The following ZNF407 variants were observed in gnomAD, a reference collection of about 807,000 sequenced individuals.
ZNF407 encodes zinc finger protein 407.
ZNF407 carries 17 observed loss-of-function variants against 131.2 expected under a neutral mutation model. The observed-to-expected ratio is 0.13, with a 90% CI of 0.09 to 0.19. ZNF407 has a LOEUF of 0.19. Ranked by LOEUF, ZNF407 falls within the 10% of genes least tolerant of loss-of-function variation. ZNF407 has a pLI of 1.00. For missense variants in ZNF407, 2,681 were observed against 2,830.6 expected (o/e 0.95, Z 1.20); for synonymous variants, 1,156 against 1,062.0 (o/e 1.09, Z -1.72).
rs754124154 is a variant in ZNF407, at chr18:74,631,962, A to G, written c.943A>G (p.Ser315Gly). ...AACTTCTAAATCAATAGCAAAGAAT[A>G]GTGATTCAAAAGGATTACGAAATGT... The part of the protein sequence containing the change: ...PRTSKSIAKN[S>G]DSKGLRNVGS... Residue 315 changes from serine to glycine, a missense_variant, in exon 2 of 9, where the codon AGT (serine) becomes GGT (glycine). By Grantham distance (56) the Ser-to-Gly change is moderately conservative. Coordinates refer to ENST00000299687, the MANE Select transcript of ZNF407 (RefSeq NM_017757.3). 6 of 1,614,016 alleles carry G rather than the reference A, an allele frequency of 3.7e-6. No homozygotes were observed. In the South Asian group the frequency reaches 5.5e-5, roughly 15 times the overall value.
chr18:74,634,574 A>T lies in ZNF407; in HGVS notation c.3555A>T (p.Ser1185=), dbSNP rs1417841560. ...TTAGGAAACCTGAGGAGATGATGTC[A>T]CTTACTATGTCCTCAAACTATGGCT... ...DKVRKPEEMM[S]LTMSSNYGSP... The change falls in exon 2 of 9, where the codon TCA becomes TCT. Residue 1185 remains serine (S), a synonymous_variant. Coordinates refer to ENST00000299687, the MANE Select transcript of ZNF407 (RefSeq NM_017757.3). 1 of 1,613,776 alleles carries T rather than the reference A, an allele frequency of 6.2e-7. No homozygotes were observed. Among genetic ancestry groups the T allele is most frequent in the Non-Finnish European group, 8.5e-7 (1 of 1,179,892 alleles).
chr18:74,963,400 AGG>A (rs1178058831), intron 8 of ZNF407, among the ~76,000 whole-genome samples: 1 of 152,190 alleles, frequency 6.6e-6, no homozygotes, highest in African/African-American at 2.4e-5. Context: ...CTGGACCTGC[AGG>A]TTATCGGGTG....
intron 3 of ZNF407, among the ~76,000 whole-genome samples, chr18:74,655,346 C>G (rs1985405059): frequency 6.6e-6 from 1 of 151,768 alleles, no homozygotes; most frequent in Non-Finnish European, 1.5e-5. Flanking sequence ...TGGATCCACA[C>G]CTATTTTAGA....
At chr18:74,806,605 TA>T (rs1970113816) in intron 4 of ZNF407, among the ~76,000 whole-genome samples, 1 of 152,150 alleles carries the variant, frequency 6.6e-6, no homozygotes, top group South Asian at 2.1e-4. Context: ...GTAAGGGAAA[TA>T]AAATGACAAC....
At chr18:75,033,323 C>T (rs1408640553) in intron 8 of ZNF407, among the ~76,000 whole-genome samples, 1 of 152,194 alleles carries the variant, frequency 6.6e-6, no homozygotes, top group East Asian at 1.9e-4. Flanking sequence ...ACTAAGAATG[C>T]TCGGAAAGCC....
intron 1 of ZNF407, among the ~76,000 whole-genome samples, chr18:74,608,236 T>C (rs919620104): frequency 1.3e-5 from 2 of 152,250 alleles, no homozygotes; most frequent in Non-Finnish European, 2.9e-5. Flanking sequence ...TATTTGAATT[T>C]AACCAATGGT....
chr18:74,960,069 C>T (rs1972321357), intron 8 of ZNF407, among the ~76,000 whole-genome samples: 1 of 152,228 alleles, frequency 6.6e-6, no homozygotes, highest in African/African-American at 2.4e-5. Context: ...AATTGAAGAT[C>T]AGTGGTTTTC....
At chr18:74,980,525 G>A (rs564554566) in intron 8 of ZNF407, among the ~76,000 whole-genome samples, 4 of 151,994 alleles carry the variant, frequency 2.6e-5, no homozygotes, top group East Asian at 1.9e-4. Flanking sequence ...GGCTGGTCTC[G>A]AATTCCTGAC....
intron 4 of ZNF407, among the ~76,000 whole-genome samples, chr18:74,851,296 A>T (rs1568241118): frequency 6.6e-6 from 1 of 152,208 alleles, no homozygotes; most frequent in Non-Finnish European, 1.5e-5. Context: ...GTGCATACTT[A>T]TGTGAGCCAC....
At chr18:74,999,363 A>C (rs1422042945) in intron 8 of ZNF407, among the ~76,000 whole-genome samples, 9 of 150,094 alleles carry the variant, frequency 6.0e-5, no homozygotes, top group Admixed American at 1.3e-4. Flanking sequence ...AAAAAAAAAA[A>C]AAAAAAAAAA....
At chr18:75,041,447 A>ACT (rs954738346) in intron 8 of ZNF407, among the ~76,000 whole-genome samples, 2 of 151,522 alleles carry the variant, frequency 1.3e-5, no homozygotes, top group South Asian at 2.1e-4. Flanking sequence ...TCACACACAC[A>ACT]CTCTCTCTCT....
intron 4 of ZNF407, among the ~76,000 whole-genome samples, chr18:74,834,829 A>G (rs1267894078): frequency 6.6e-6 from 1 of 152,094 alleles, no homozygotes; most frequent in East Asian, 1.9e-4. Flanking sequence ...CTGCCTTTAC[A>G]CTGTTAGATG....
intron 8 of ZNF407, among the ~76,000 whole-genome samples, chr18:74,991,417 A>T (rs1972717497): frequency 6.6e-6 from 1 of 152,208 alleles, no homozygotes; most frequent in Non-Finnish European, 1.5e-5. Flanking sequence ...TAAAATTTTG[A>T]GAATTGTAAA....
intron 3 of ZNF407, among the ~76,000 whole-genome samples, chr18:74,667,930 A>G (rs1356576052): frequency 3.3e-5 from 5 of 151,964 alleles, no homozygotes; most frequent in African/African-American, 1.2e-4. Flanking sequence ...TGAATGTGTT[A>G]TTTTTTACAA....
chr18:74,922,478 T>C (rs1401215375), intron 8 of ZNF407, among the ~76,000 whole-genome samples: 2 of 152,158 alleles, frequency 1.3e-5, no homozygotes, highest in Non-Finnish European at 2.9e-5. Flanking sequence ...ACATTACTTA[T>C]CTTTAAAAAA....
intron 4 of ZNF407, among the ~76,000 whole-genome samples, chr18:74,818,335 G>A (rs1470970213): frequency 6.6e-6 from 1 of 152,134 alleles, no homozygotes; most frequent in Non-Finnish European, 1.5e-5. Context: ...AAAATGAGTT[G>A]TTCTTCTATT....
At chr18:74,738,696 G>A (rs1325369670) in intron 3 of ZNF407, among the ~76,000 whole-genome samples, 2 of 152,126 alleles carry the variant, frequency 1.3e-5, no homozygotes, top group South Asian at 2.1e-4. Flanking sequence ...CCAAGATCAC[G>A]CCATTCATCT....
At chr18:75,031,876 G>A (rs1336380250) in intron 8 of ZNF407, among the ~76,000 whole-genome samples, 1 of 152,120 alleles carries the variant, frequency 6.6e-6, no homozygotes, top group East Asian at 1.9e-4. Flanking sequence ...AAAGGTACTT[G>A]GCAATACTCT....
At chr18:75,037,444 C>T (rs1467621189) in intron 8 of ZNF407, among the ~76,000 whole-genome samples, 2 of 151,438 alleles carry the variant, frequency 1.3e-5, no homozygotes, top group African/African-American at 2.4e-5. Flanking sequence ...ACTTTGTAAC[C>T]GCAAAGGTGA....
Sources: allele counts gnomAD v4.1 joint callset (sites outside exome capture counted in the v4.1 genomes callset), GRCh38; gene constraint gnomAD v4.1.1; transcripts MANE v1.5; gene names NCBI Gene and HGNC (gene_info 2026-07-23, HGNC 2026-07-21).